WWC2: variants seen among roughly 807,000 people sequenced by gnomAD.
WWC2 encodes the protein protein WWC2.
Under a neutral mutation model 138.5 loss-of-function variants are expected in WWC2, and 101 were observed. The ratio of observed to expected loss-of-function variants is 0.73; its 90% confidence interval spans 0.62 to 0.86. The LOEUF (loss-of-function observed/expected upper bound fraction) is 0.86, where lower values mean the gene tolerates loss of function less well. Ranked by LOEUF, WWC2 falls within the 40% of genes least tolerant of loss-of-function variation. WWC2 has a pLI of 0.00. For missense variants in WWC2, 1,420 were observed against 1,419.4 expected (o/e 1.00, Z -0.01); for synonymous variants, 558 against 538.4 (o/e 1.04, Z -0.50).
chr4:183,239,262 C>T (rs558308278), intron 4 of WWC2, among the ~76,000 whole-genome samples: 21 of 151,794 alleles, frequency 1.4e-4, no homozygotes, highest in African/African-American at 3.6e-4. Flanking sequence ...TGCAGTGAGC[C>T]GAGATTGCAC....
In WWC2 at chr4:183,319,500, CCAAA is replaced by C. The variant is rs1739560369; in HGVS notation, c.*3772_*3775del. The stretch of plus-strand genomic sequence containing the variant: ...GAGATGACTAGAGCGGGACATCCTA[CCAAA>C]TCCAGTGTTGAGCAAGCGTCTCCTG... On this transcript the variant is annotated 3_prime_UTR_variant, in exon 23 of 23. Transcript: ENST00000403733. The C allele has an allele frequency of 6.6e-7, 1 of 1,505,028 alleles. No individual in the cohort carries two copies. The highest frequency in any genetic ancestry group is 8.9e-7 in the Non-Finnish European group (1 of 1,118,876). The allele number at this position is 1,505,028 out of a possible 1,614,324, so 93.2% of individuals were successfully genotyped here. A position where few individuals can be genotyped will look rare whatever the true frequency, so the allele number is the denominator to read the frequency against.
At chr4:183,099,741 G>T in intron 1 of WWC2, 119 bp downstream of exon 1, 1 of 1,027,150 alleles carries the variant, frequency 9.7e-7, no homozygotes. Flanking sequence ...GGTCCCGGGA[G>T]GGATGTGGGG....
At chr4:183,251,813 T>A (rs1736990357) in intron 8 of WWC2, among the ~76,000 whole-genome samples, 2 of 152,194 alleles carry the variant, frequency 1.3e-5, no homozygotes, top group Non-Finnish European at 2.9e-5. Flanking sequence ...TTGAAAATGC[T>A]TTTTCCTCCT....
intron 9 of WWC2, among the ~76,000 whole-genome samples, chr4:183,256,932 A>C (rs577737603): frequency 6.2e-4 from 78 of 125,134 alleles, no homozygotes; most frequent in African/African-American, 2.3e-3. Flanking sequence ...ACAGGGCTGC[A>C]GTGTCGCCCA....
intron 1 of WWC2, among the ~76,000 whole-genome samples, chr4:183,124,318 C>T (rs941113819): frequency 3.3e-5 from 5 of 151,156 alleles, no homozygotes; most frequent in African/African-American, 7.3e-5. Flanking sequence ...TAACTGCAAT[C>T]GTTTTCCTGT....
intron 1 of WWC2, among the ~76,000 whole-genome samples, chr4:183,190,847 C>T (rs1254226148): frequency 6.6e-6 from 1 of 152,190 alleles, no homozygotes; most frequent in African/African-American, 2.4e-5. Flanking sequence ...ATAGCACATG[C>T]TCTCAAGCTT....
At chr4:183,308,525 A>G (rs1272518599) in intron 21 of WWC2, among the ~76,000 whole-genome samples, 2 of 152,214 alleles carry the variant, frequency 1.3e-5, no homozygotes, top group African/African-American at 4.8e-5. Flanking sequence ...TAGACAAATC[A>G]GAACAGAGAG....
chr4:183,259,062 C>G (rs1737240190), intron 9 of WWC2, among the ~76,000 whole-genome samples: 1 of 152,152 alleles, frequency 6.6e-6, no homozygotes, highest in African/African-American at 2.4e-5. Context: ...GAAGGGGAAT[C>G]ACTTTTAGGT....
At chr4:183,225,602 C>T (rs912126850) in intron 4 of WWC2, among the ~76,000 whole-genome samples, 1 of 152,152 alleles carries the variant, frequency 6.6e-6, no homozygotes, top group Non-Finnish European at 1.5e-5. Flanking sequence ...CAGACAAAGC[C>T]AACCTGCTGG....
At chr4:183,124,368 T>A (rs1026573370) in intron 1 of WWC2, among the ~76,000 whole-genome samples, 3 of 151,944 alleles carry the variant, frequency 2.0e-5, no homozygotes, top group Non-Finnish European at 4.4e-5. Context: ...TTTTTCTTTT[T>A]TTTTTCCTTT....
intron 1 of WWC2, among the ~76,000 whole-genome samples, chr4:183,110,152 A>G (rs1579945443): frequency 6.6e-6 from 1 of 152,326 alleles, no homozygotes; most frequent in Middle Eastern, 3.4e-3. Context: ...AAGTTACCAG[A>G]TACCAGGCGC....
chr4:183,319,540 G>T lies in WWC2; in HGVS notation c.*3811G>T. On this transcript the variant is annotated 3_prime_UTR_variant, in exon 23 of 23. Transcript: ENST00000403733. ...AGCAAGCGTCTCCTGAACAGCAGAC[G>T]CTTGTCCTTTCTGGCTTAGTGTTTC... The T allele has an allele frequency of 3.1e-6, 5 of 1,597,016 alleles. No individual in the cohort carries two copies. The highest frequency in any genetic ancestry group is 4.3e-6 in the Non-Finnish European group (5 of 1,171,588).
intron 14 of WWC2, among the ~76,000 whole-genome samples, chr4:183,267,912 T>TC (rs1580128839): frequency 1.3e-5 from 2 of 152,192 alleles, no homozygotes; most frequent in East Asian, 1.9e-4. Flanking sequence ...TTCTTTTTTT[T>TC]CCCAACCTCA....
intron 20 of WWC2, 118 bp from the exon 21 acceptor site, chr4:183,289,275 G>A (rs1738353686): frequency 7.0e-7 from 1 of 1,434,490 alleles, no homozygotes; most frequent in Non-Finnish European, 9.3e-7. Context: ...CTGCCCCTTA[G>A]GCCCTGGCTT....
Position 183,261,095 on chromosome 4 carries a change from A to C in WWC2, c.1472A>C (p.Gln491Pro). ...CAGTATAAACTGGACTTCCTTCTGC[A>C]AGAGAAAAGCGGTTACATTCCTTCT... is the stretch of plus-strand genomic sequence containing the variant. ...DYQYKLDFLLQEKSGYIPSGP... is the reference protein window; with the variant it reads ...DYQYKLDFLLPEKSGYIPSGP... Residue 491 changes from glutamine (Q) to proline (P), a missense_variant, in exon 11 of 23, where the codon CAA becomes CCA. Gln to Pro is a moderately conservative substitution (Grantham distance 76). Transcript: ENST00000403733. 2 of 1,614,028 alleles carry C rather than the reference A, an allele frequency of 1.2e-6. No individual in the cohort carries two copies.
At chr4:183,231,643 C>T (rs1265380141) in intron 4 of WWC2, among the ~76,000 whole-genome samples, 2 of 152,076 alleles carry the variant, frequency 1.3e-5, no homozygotes, top group Non-Finnish European at 2.9e-5. Context: ...ATGAGTGCTA[C>T]AGAATAGGAC....
intron 2 of WWC2, among the ~76,000 whole-genome samples, chr4:183,206,556 C>T (rs1412243190): frequency 1.3e-5 from 2 of 152,180 alleles, no homozygotes; most frequent in African/African-American, 4.8e-5. Flanking sequence ...CATAGTTTAA[C>T]AAATATTTTA....
At chr4:183,178,791 G>A (rs963623405) in intron 1 of WWC2, among the ~76,000 whole-genome samples, 1 of 152,122 alleles carries the variant, frequency 6.6e-6, no homozygotes, top group African/African-American at 2.4e-5. Flanking sequence ...GCGCATAATC[G>A]AGAACTACAA....
intron 21 of WWC2, among the ~76,000 whole-genome samples, chr4:183,289,839 G>GA (rs1333775997): frequency 1.3e-5 from 2 of 151,722 alleles, no homozygotes; most frequent in Non-Finnish European, 2.9e-5. Flanking sequence ...AGGAAGCTGG[G>GA]AAGGTGGGTG....
Sources: allele counts gnomAD v4.1 joint callset (sites outside exome capture counted in the v4.1 genomes callset), GRCh38; gene constraint gnomAD v4.1.1; transcripts MANE v1.5; gene names NCBI Gene and HGNC (gene_info 2026-07-23, HGNC 2026-07-21).